The following EIF5B variants were observed in gnomAD, a reference collection of about 807,000 sequenced individuals.
EIF5B encodes the protein eukaryotic translation initiation factor 5B, also known as eIF-5B.
A neutral mutation model predicts 147.5 loss-of-function variants in EIF5B; 47 were observed. That is an observed-to-expected ratio of 0.32 (90% confidence interval 0.25 to 0.41). The LOEUF is 0.41. Among genes scored for constraint, EIF5B ranks in the 10% least tolerant of loss-of-function variants. The pLI is 1.00. For synonymous variants in EIF5B, 455 were observed against 456.2 expected (o/e 1.00, Z 0.03); for missense variants, 1,064 against 1,413.2 (o/e 0.75, Z 3.96).
At chr2:99,355,573 C>T (rs1294871219) in intron 1 of EIF5B, among the ~76,000 whole-genome samples, 1 of 149,710 alleles carries the variant, frequency 6.7e-6, no homozygotes, top group East Asian at 1.9e-4. Context: ...TTTTTTCCCC[C>T]TCAGTTTTTC....
intron 14 of EIF5B, among the ~76,000 whole-genome samples, chr2:99,383,310 T>A (rs1272234792): frequency 6.6e-6 from 1 of 152,214 alleles, no homozygotes; most frequent in Non-Finnish European, 1.5e-5. Context: ...CCCTATAAGA[T>A]GGCACACTTA....
At chr2:99,389,390 G>A (rs1023301739) in intron 14 of EIF5B, among the ~76,000 whole-genome samples, 6 of 152,086 alleles carry the variant, frequency 3.9e-5, no homozygotes, top group African/African-American at 1.4e-4. Context: ...GGGATTGATT[G>A]ATTTGTTACA....
chr2:99,394,973 T>C, intron 21 of EIF5B, 90 bp downstream of exon 21: 1 of 1,227,198 alleles, frequency 8.1e-7, no homozygotes, highest in South Asian at 1.6e-5. Flanking sequence ...AACAGCAAAA[T>C]CATGGCATTT....
chr2:99,338,908 T>C (rs2094250980), intron 1 of EIF5B, among the ~76,000 whole-genome samples: 1 of 133,688 alleles, frequency 7.5e-6, no homozygotes, highest in Non-Finnish European at 1.6e-5. Context: ...TCATCCCACC[T>C]ACTAGAAGTG....
At chr2:99,348,710 T>C (rs1464186659) in intron 1 of EIF5B, among the ~76,000 whole-genome samples, 2 of 152,088 alleles carry the variant, frequency 1.3e-5, no homozygotes, top group Non-Finnish European at 2.9e-5. Flanking sequence ...GCAGCAACAG[T>C]GTTATATGTG....
chr2:99,361,434 C>G lies in EIF5B; in HGVS notation c.533C>G (p.Ser178Ter), dbSNP rs1477742776. 6.2e-7 allele frequency: 1 copy of G among 1,613,652 alleles called. No homozygotes were observed. Among genetic ancestry groups the G allele is most frequent in the Non-Finnish European group, 8.5e-7 (1 of 1,179,954 alleles). Residue 178 changes from serine to a stop codon, truncating the protein, a stop_gained, in exon 4 of 24, where the codon TCA (serine) becomes TGA (stop). Transcript: ENST00000289371. LOFTEE classifies it high-confidence loss of function. The stretch of plus-strand genomic sequence containing the variant: ...AACAGTAAAAAAATTAAAGAGCGTT[C>G]AAGAATAAATTCTTCTGGTGAAAGT... The part of the protein sequence containing the change: ...EDNSKKIKER[S>*]RINSSGESGD...
At position 99,368,994 on chromosome 2, in the gene EIF5B, T is replaced by G. The variant is rs531511952; in HGVS notation, c.1388-398T>G. Among the ~76,000 whole-genome samples the G allele has an allele frequency of 6.6e-5, 10 of 152,352 alleles. No individual in the cohort carries two copies. In the East Asian group the frequency reaches 1.9e-3, roughly 29 times the overall value. ...CTTGAAGAAATAGGTTTGCACAGGC[T>G]GGGTACAGTGGCTCACGCCTGTAAT... On this transcript the variant is annotated intron_variant, in intron 7 of 23. Coordinates refer to ENST00000289371, the MANE Select transcript of EIF5B (RefSeq NM_015904.4).
intron 1 of EIF5B, among the ~76,000 whole-genome samples, chr2:99,343,347 C>G (rs1414954464): frequency 5.3e-5 from 8 of 150,768 alleles, no homozygotes; most frequent in African/African-American, 2.0e-4. Context: ...GATACTTTCT[C>G]TGATTTCTGT....
At position 99,360,482 on chromosome 2, in the gene EIF5B, A is replaced by G; in HGVS notation, c.179A>G (p.Lys60Arg). 1 of 1,613,446 alleles carries G rather than the reference A, an allele frequency of 6.2e-7. No individual in the cohort carries two copies. The highest frequency in any genetic ancestry group is 1.1e-5 in the South Asian group (1 of 90,878). ...KQDFDEDDILKELEELSLEAQ... is the reference protein window; with the variant it reads ...KQDFDEDDILRELEELSLEAQ... Reference sequence around the variant, plus strand: ...TTTTCTAGTGAAGATGATATCCTGAAAGAACTGGAAGAATTGTCTTTGGAA... The same window carrying G: ...TTTTCTAGTGAAGATGATATCCTGAGAGAACTGGAAGAATTGTCTTTGGAA... The change falls in exon 3 of 24, where the codon AAA becomes AGA. Residue 60 changes from lysine to arginine, a missense_variant. Coordinates refer to ENST00000289371, the MANE Select transcript of EIF5B (RefSeq NM_015904.4).
chr2:99,367,955 C>T (rs1034496665), intron 6 of EIF5B, among the ~76,000 whole-genome samples: 1 of 152,110 alleles, frequency 6.6e-6, no homozygotes, highest in Admixed American at 6.5e-5. Flanking sequence ...TTGCAAAAAA[C>T]CAGAAACAAC....
In EIF5B at chr2:99,369,415, G is replaced by A. The variant is rs1674395550; in HGVS notation, c.1411G>A (p.Ala471Thr). The change falls in exon 8 of 24, where the codon GCT (alanine) becomes ACT (threonine). Residue 471 changes from alanine (A) to threonine (T), a missense_variant. By Grantham distance (58) the Ala-to-Thr change is moderately conservative. Transcript: ENST00000289371. The stretch of plus-strand genomic sequence containing the variant: ...AGTGTCTGAATCAATGGAATTATGT[G>A]CTGCTGTAGAAGTTATGGAACAAGG... ...KEVSESMELCAAVEVMEQGVP... is the reference protein window; with the variant it reads ...KEVSESMELCTAVEVMEQGVP... 1.9e-6 allele frequency: 3 copies of A among 1,611,552 alleles called. No homozygotes were observed. The highest frequency in any genetic ancestry group is 8.5e-7 in the Non-Finnish European group (1 of 1,178,418).
chr2:99,349,948 C>T (rs1308549424), intron 1 of EIF5B, among the ~76,000 whole-genome samples: 1 of 152,206 alleles, frequency 6.6e-6, no homozygotes, highest in Non-Finnish European at 1.5e-5. Context: ...CCCTCTCCTT[C>T]CTACTCTTCC....
chr2:99,390,789 G>A, intron 17 of EIF5B, 84 bp downstream of exon 17: 3 of 1,442,280 alleles, frequency 2.1e-6, no homozygotes, highest in Non-Finnish European at 2.8e-6. Flanking sequence ...CACTTTGAAA[G>A]CTGTTTGACT....
intron 1 of EIF5B, among the ~76,000 whole-genome samples, chr2:99,347,531 G>A (rs1481626530): frequency 6.6e-6 from 1 of 151,456 alleles, no homozygotes; most frequent in Non-Finnish European, 1.5e-5. Flanking sequence ...ACAGGCCTGA[G>A]ATTTTGCATT....
rs200711395 is a variant in EIF5B at position 99,360,596 on chromosome 2, TTTC to T, written c.246+53_246+55del. 1,303 of 1,575,028 alleles carry T rather than the reference TTTC, an allele frequency of 8.3e-4. 14 individuals carry two copies. The African/African-American group carries it at 0.016, about 20-fold the overall frequency. On this transcript the variant is annotated intron_variant, in intron 3 of 23. Transcript: ENST00000289371. ...CCTATTCGTATTTCGTATTCTATTC[TTTC>T]TTCTTAATGTTGGTTTGGGGAGCTA...
intron 7 of EIF5B, among the ~76,000 whole-genome samples, chr2:99,369,129 C>G (rs995876702): frequency 3.3e-5 from 5 of 152,030 alleles, no homozygotes; most frequent in Non-Finnish European, 7.4e-5. Context: ...GAAAATTAGC[C>G]TGTCATAGTG....
rs748434880 is a variant in EIF5B, at chr2:99,382,177, C to A, written c.2080C>A (p.Arg694=). Reference sequence around the variant, plus strand: ...TTTCTAGTTTGATAGAGAGAATGTACGGATTCCAGGAATGCTAATTATTGA... The same window carrying A: ...TTTCTAGTTTGATAGAGAGAATGTAAGGATTCCAGGAATGCTAATTATTGA... ...MIKNFDRENV[R]IPGMLIIDTP... is the part of the protein sequence containing the mutation. The change falls in exon 13 of 24, where the codon CGG becomes AGG. Residue 694 remains arginine (R), a synonymous_variant. Transcript: ENST00000289371. 9.9e-6 allele frequency: 16 copies of A among 1,612,608 alleles called. No homozygotes were observed. In the East Asian group the frequency reaches 3.6e-4, roughly 36 times the overall value.
At chr2:99,352,643 A>T (rs997371899) in intron 1 of EIF5B, among the ~76,000 whole-genome samples, 2 of 150,648 alleles carry the variant, frequency 1.3e-5, no homozygotes, top group Non-Finnish European at 3.0e-5. Flanking sequence ...TGCCTGGCTA[A>T]TTTTTTTTCT....
At chr2:99,368,614 A>G (rs746970840) in intron 7 of EIF5B, 23 bp downstream of exon 7, 4 of 1,539,720 alleles carry the variant, frequency 2.6e-6, no homozygotes, top group Admixed American at 3.4e-5. Context: ...AATAGCCTCT[A>G]ATTTAGGAAA....
Sources: allele counts gnomAD v4.1 joint callset (sites outside exome capture counted in the v4.1 genomes callset), GRCh38; gene constraint gnomAD v4.1.1; transcripts MANE v1.5; gene names NCBI Gene and HGNC (gene_info 2026-07-23, HGNC 2026-07-21).